Variants in RCBTB2 observed in about 807,000 individuals in gnomAD.
RCBTB2 encodes the protein RCC1 and BTB domain-containing protein 2.
In RCBTB2, 55 loss-of-function variants were observed where a neutral mutation model predicts 65.4. The ratio of observed to expected loss-of-function variants is 0.84; its 90% confidence interval spans 0.68 to 1.05. The LOEUF (loss-of-function observed/expected upper bound fraction) is 1.05. Ranked by LOEUF, RCBTB2 falls within the 50% of genes least tolerant of loss-of-function variation. The probability of loss-of-function intolerance (pLI) is 0.00; values close to 1 mark genes in which losing one functional copy is unlikely to be tolerated. For synonymous variants in RCBTB2, 220 were observed against 255.2 expected (o/e 0.86, Z 1.31); for missense variants, 599 against 680.1 (o/e 0.88, Z 1.33).
chr13:48,517,341 A>G (rs1342129402), intron 4 of RCBTB2, among the ~76,000 whole-genome samples: 2 of 152,196 alleles, frequency 1.3e-5, no homozygotes, highest in East Asian at 3.8e-4. Context: ...TCATTTCCAG[A>G]TTCACAGCCC....
chr13:48,521,402 T>C (rs1415266295), intron 4 of RCBTB2, among the ~76,000 whole-genome samples: 3 of 152,212 alleles, frequency 2.0e-5, no homozygotes, highest in African/African-American at 7.2e-5. Flanking sequence ...TGGAAATCAA[T>C]ATGCGTGCAG....
intron 1 of RCBTB2, chr13:48,531,898 C>G (rs999201375): frequency 1.1e-4 from 17 of 152,190 alleles, no homozygotes; most frequent in African/African-American, 3.9e-4. Flanking sequence ...CTAAGACCCA[C>G]TGTCTAGTAA....
At chr13:48,497,381 G>A (rs1461548764) in intron 13 of RCBTB2, among the ~76,000 whole-genome samples, 1 of 152,160 alleles carries the variant, frequency 6.6e-6, no homozygotes, top group Non-Finnish European at 1.5e-5. Context: ...ATTCAACGTA[G>A]ACTGGGTGAG....
chr13:48,493,315 ACT>A (rs3085593), intron 14 of RCBTB2, among the ~76,000 whole-genome samples: 1,959 of 75,004 alleles, frequency 0.026, 95 homozygotes, highest in African/African-American at 0.1. Context: ...ACACACACAC[ACT>A]CTCTCTCTCT....
chr13:48,519,751 T>C (rs1238587148), intron 4 of RCBTB2, among the ~76,000 whole-genome samples: 4 of 152,236 alleles, frequency 2.6e-5, no homozygotes, highest in Non-Finnish European at 5.9e-5. Context: ...ACATTGCTTT[T>C]AATTTCTGGC....
intron 12 of RCBTB2, among the ~76,000 whole-genome samples, chr13:48,500,707 TCTCA>T (rs1950196072): frequency 6.6e-6 from 1 of 152,142 alleles, no homozygotes; most frequent in African/African-American, 2.4e-5. Context: ...AGGAACAGAT[TCTCA>T]CTCACAGCCT....
At chr13:48,514,422 C>T (rs1370087355) in intron 6 of RCBTB2, among the ~76,000 whole-genome samples, 1 of 152,180 alleles carries the variant, frequency 6.6e-6, no homozygotes, top group Non-Finnish European at 1.5e-5. Context: ...ACTTTCAGAC[C>T]ACAGTCAACT....
intron 4 of RCBTB2, among the ~76,000 whole-genome samples, chr13:48,516,000 G>T (rs1388251803): frequency 6.6e-6 from 1 of 152,198 alleles, no homozygotes; most frequent in African/African-American, 2.4e-5. Context: ...TCCAAAGCTG[G>T]GCTTCTGGGA....
intron 13 of RCBTB2, among the ~76,000 whole-genome samples, chr13:48,498,920 A>C (rs1180128937): frequency 6.6e-6 from 1 of 151,940 alleles, no homozygotes; most frequent in Non-Finnish European, 1.5e-5. Context: ...TCTATCAACA[A>C]ATCCCATCAG....
intron 14 of RCBTB2, among the ~76,000 whole-genome samples, chr13:48,493,309 A>ACTCT (rs1429120157): frequency 1.3e-4 from 6 of 47,808 alleles, no homozygotes; most frequent in Admixed American, 6.5e-4. Context: ...ACACACACAC[A>ACTCT]CACACACTCT....
At chr13:48,495,426 T>C (rs755180123) in intron 14 of RCBTB2, among the ~76,000 whole-genome samples, 7 of 152,206 alleles carry the variant, frequency 4.6e-5, no homozygotes, top group Non-Finnish European at 1.0e-4. Flanking sequence ...GTGATATATC[T>C]TGAATAGCTG....
At chr13:48,532,853 C>G in intron 1 of RCBTB2, 175 bp downstream of exon 1, 1 of 381,610 alleles carries the variant, frequency 2.6e-6, no homozygotes, top group East Asian at 8.9e-5. Flanking sequence ...CGCGACGACG[C>G]CTAGGCCTGT....
chr13:48,503,006 T>C (rs964949359), intron 10 of RCBTB2, 92 bp from the exon 11 acceptor site: 20 of 1,317,734 alleles, frequency 1.5e-5, no homozygotes, highest in Non-Finnish European at 1.9e-5. Context: ...ATGTGGGACA[T>C]CATAAAATTA....
In RCBTB2 at chr13:48,519,825, T is replaced by C. The variant is rs9331973; in HGVS notation, c.42+2073A>G. Among the ~76,000 whole-genome samples, 1,780 of 152,332 alleles carry C rather than the reference T, an allele frequency of 0.012. 64 individuals are homozygous for C. The East Asian group carries it at 0.12, about 10-fold the overall frequency. On this transcript the variant is annotated intron_variant, in intron 4 of 14. Coordinates refer to ENST00000344532, the MANE Select transcript of RCBTB2 (RefSeq NM_001268.4). ...ATTTTTAAGTTTGTTAGGGCAACTA[T>C]TACATAGGGAACTGATGACTAAATT...
At position 48,490,237 on chromosome 13, in the gene RCBTB2, G is replaced by C. The variant is rs556132273; in HGVS notation, c.1530C>G (p.Phe510Leu). The C allele has an allele frequency of 4.3e-6, 7 of 1,613,036 alleles. No individual in the cohort carries two copies. Among genetic ancestry groups the C allele is most frequent in the African/African-American group, 2.7e-5 (2 of 74,852 alleles). ...VKYDAQDLEEFCFRFCINHLT... is the reference protein window; with the variant it reads ...VKYDAQDLEELCFRFCINHLT... ...GATGGTTTATGCAAAACCTGAAGCA[G>C]AATTCTTCTAAATCCTAGGAACAAC... The change falls in exon 15 of 15, where the codon TTC (phenylalanine) becomes TTG (leucine). Residue 510 changes from phenylalanine to leucine, a missense_variant. Coordinates refer to ENST00000344532, the MANE Select transcript of RCBTB2 (RefSeq NM_001268.4).
At chr13:48,504,908 G>A (rs944865163) in intron 10 of RCBTB2, among the ~76,000 whole-genome samples, 3 of 152,086 alleles carry the variant, frequency 2.0e-5, no homozygotes, top group Admixed American at 6.5e-5. Context: ...TCTCATGTGC[G>A]GTAATCTCAC....
chr13:48,512,816 A>G lies in RCBTB2; in HGVS notation c.429T>C (p.Cys143=), dbSNP rs753491514. 1.9e-6 allele frequency: 3 copies of G among 1,613,984 alleles called. No individual in the cohort carries two copies. The East Asian group carries it at 6.7e-5, about 36-fold the overall frequency. The part of the protein sequence containing the change: ...NGTTNHGLVP[C]HISTNLSNKQ... The stretch of plus-strand genomic sequence containing the variant: ...TGTTTGACAGATTAGTAGAGATATG[A>G]CAGGGCACTAAACCATGATTAGTTG... The change falls in exon 7 of 15, where the codon TGT becomes TGC. Residue 143 remains cysteine, a synonymous_variant. Transcript: ENST00000344532.
In RCBTB2 at chr13:48,515,318, C is replaced by A; in HGVS notation, c.236G>T (p.Gly79Val). ...AATGGTGCTCTGGACGTCACCTAACCCCAAACAGCCACAGCAGTTTGTGCC... is the reference window on the plus strand; with the variant it reads ...AATGGTGCTCTGGACGTCACCTAACACCAAACAGCCACAGCAGTTTGTGCC... ...VLGTNCCGCL[G>V]LGDVQSTIEP... Residue 79 changes from glycine (G) to valine (V), a missense_variant, in exon 6 of 15, where the codon GGG (glycine) becomes GTG (valine). Physicochemically the swap from Gly to Val is moderately radical, Grantham distance 109. Transcript: ENST00000344532. 1 of 1,614,080 alleles carries A rather than the reference C, an allele frequency of 6.2e-7. No individual in the cohort carries two copies. Among genetic ancestry groups the A allele is most frequent in the Non-Finnish European group, 8.5e-7 (1 of 1,179,982 alleles).
chr13:48,533,732 C>T (rs1952305482), upstream of RCBTB2, among the ~76,000 whole-genome samples: 1 of 152,190 alleles, frequency 6.6e-6, no homozygotes, highest in African/African-American at 2.4e-5. Flanking sequence ...TTCTGTTGGC[C>T]TTTGTAGATT....
Sources: gnomAD v4.1 joint callset for allele counts (sites outside exome capture counted in the v4.1 genomes callset) on GRCh38, gnomAD v4.1.1 for gene constraint, MANE v1.5 for transcripts, NCBI Gene and HGNC (gene_info 2026-07-23, HGNC 2026-07-21) for gene names.